The following NDOR1 variants were observed in gnomAD, a reference collection of about 807,000 sequenced individuals.
NDOR1 encodes the protein NADPH-dependent diflavin oxidoreductase 1.
A neutral mutation model predicts 67.2 loss-of-function variants in NDOR1; 61 were observed. That is an observed-to-expected ratio of 0.91 (90% CI 0.74 to 1.12). The LOEUF is 1.12. NDOR1 is among the 50% of genes most tolerant of loss of function. NDOR1 has a pLI of 0.00. For missense variants in NDOR1, 878 were observed against 802.8 expected (o/e 1.09, Z -1.13); for synonymous variants, 378 against 343.7 (o/e 1.10, Z -1.10).
chr9:137,218,240 C>T lies in NDOR1; in HGVS notation c.*1824C>T. ...GCTGTGCCGCCAGAAGACGCCCGTG[C>T]TGGAATGGGAGATCTGCCGGCTACA... On this transcript the variant is annotated 3_prime_UTR_variant, in exon 14 of 14. Coordinates refer to ENST00000684003, the MANE Select transcript of NDOR1 (RefSeq NM_014434.4). 2.5e-6 allele frequency: 1 copy of T among 398,406 alleles called. No individual in the cohort carries two copies. The highest frequency in any genetic ancestry group is 4.4e-6 in the Non-Finnish European group (1 of 225,898). The allele number at this position is 398,406 out of a possible 1,614,324, so 24.7% of individuals were successfully genotyped here.
chr9:137,216,671 C>T lies in NDOR1; in HGVS notation c.*255C>T, dbSNP rs1835623833. 1 of 545,290 alleles carries T rather than the reference C, an allele frequency of 1.8e-6. No individual in the cohort carries two copies. The highest frequency in any genetic ancestry group is 1.9e-5 in the African/African-American group (1 of 52,706). The allele number at this position is 545,290 out of a possible 1,614,324, so 33.8% of individuals were successfully genotyped here. A position where few individuals can be genotyped will look rare whatever the true frequency, so the allele number is the denominator to read the frequency against. On this transcript the variant is annotated 3_prime_UTR_variant, in exon 14 of 14. Transcript: ENST00000684003. ...GACAGTGAGCTGTGTCCTCGTCCCC[C>T]CACCCCCTTCCCAGTCAAGGTGGTG...
rs770418728 is a variant in NDOR1 at position 137,215,749 on chromosome 9, C to T, written c.1379C>T (p.Thr460Ile). ...CCTGTGATCATGGTGGGGCCTGGCACTGGGGTAGCCCCCTTCCGAGCAGCC... is the reference window on the plus strand; with the variant it reads ...CCTGTGATCATGGTGGGGCCTGGCATTGGGGTAGCCCCCTTCCGAGCAGCC... Reference protein sequence around the residue: ...DTPVIMVGPGTGVAPFRAAIQ... With the variant: ...DTPVIMVGPGIGVAPFRAAIQ... The change falls in exon 11 of 14, where the codon ACT (threonine) becomes ATT (isoleucine). Residue 460 changes from threonine to isoleucine, a missense_variant. Transcript: ENST00000684003. 6.2e-7 allele frequency: 1 copy of T among 1,603,142 alleles called. No individual in the cohort carries two copies. The highest frequency in any genetic ancestry group is 8.5e-7 in the Non-Finnish European group (1 of 1,173,762).
chr9:137,215,356 A>G, intron 9 of NDOR1, 51 bp from the exon 10 acceptor site: 1 of 1,586,504 alleles, frequency 6.3e-7, no homozygotes, highest in East Asian at 2.2e-5. Flanking sequence ...CGGCCCAGGC[A>G]CAGGTGAGGG....
At position 137,216,330 on chromosome 9, in the gene NDOR1, G is replaced by A; in HGVS notation, c.1708G>A (p.Glu570Lys). Residue 570 changes from glutamate to lysine, a missense_variant, in exon 14 of 14, where the codon GAG (glutamate) becomes AAG (lysine). By Grantham distance (56) the Glu-to-Lys change is moderately conservative (BLOSUM62 1). Coordinates refer to ENST00000684003, the MANE Select transcript of NDOR1 (RefSeq NM_014434.4). ...SEALMSIFQE[E>K]GGLCSPDAAA... The stretch of plus-strand genomic sequence containing the variant: ...AGCCCTGATGTCCATCTTCCAGGAG[G>A]AGGGTGGACTCTGCAGCCCGGACGC... The A allele has an allele frequency of 6.2e-7, 1 of 1,611,468 alleles. No individual in the cohort carries two copies. The highest frequency in any genetic ancestry group is 8.5e-7 in the Non-Finnish European group (1 of 1,179,990).
intron 2 of NDOR1, among the ~76,000 whole-genome samples, chr9:137,209,510 A>G (rs1263742562): frequency 6.6e-6 from 1 of 152,174 alleles, no homozygotes; most frequent in Non-Finnish European, 1.5e-5. Context: ...GCACCCACAG[A>G]GAAGACCAGG....
chr9:137,217,791 G>C lies in NDOR1; in HGVS notation c.*1375G>C. 2.5e-6 allele frequency: 1 copy of C among 395,940 alleles called. No individual in the cohort carries two copies. The highest frequency in any genetic ancestry group is 4.4e-6 in the Non-Finnish European group (1 of 225,008). The allele number at this position is 395,940 out of a possible 1,614,324, so 24.5% of individuals were successfully genotyped here. A position where few individuals can be genotyped will look rare whatever the true frequency, so the allele number is the denominator to read the frequency against. On this transcript the variant is annotated 3_prime_UTR_variant, in exon 14 of 14. Coordinates refer to ENST00000684003, the MANE Select transcript of NDOR1 (RefSeq NM_014434.4). ...TCCTCCTATCCTGACTCCTGCCCCAGGGCCACCACCCCTGAACTGTGCCCT... is the reference window on the plus strand; with the variant it reads ...TCCTCCTATCCTGACTCCTGCCCCACGGCCACCACCCCTGAACTGTGCCCT...
intron 2 of NDOR1, among the ~76,000 whole-genome samples, chr9:137,210,572 G>A (rs1405111097): frequency 6.6e-6 from 1 of 152,154 alleles, no homozygotes; most frequent in Non-Finnish European, 1.5e-5. Flanking sequence ...TGGGCACAGT[G>A]GCTCAAGCCT....
At position 137,205,742 on chromosome 9, in the gene NDOR1, T is replaced by C; in HGVS notation, c.-36T>C. 2 of 1,599,470 alleles carry C rather than the reference T, an allele frequency of 1.3e-6. No homozygotes were observed. Among genetic ancestry groups the C allele is most frequent in the Non-Finnish European group, 1.7e-6 (2 of 1,179,250 alleles). The stretch of plus-strand genomic sequence containing the variant: ...CCGGCCGGCGGGAACTGCCTTCTAG[T>C]TTTTAGTCTCAGACCAGACCACCGG... On this transcript the variant is annotated 5_prime_UTR_variant, in exon 1 of 14. Transcript: ENST00000684003.
At chr9:137,207,928 AG>A (rs1835049367) in intron 2 of NDOR1, among the ~76,000 whole-genome samples, 1 of 151,884 alleles carries the variant, frequency 6.6e-6, no homozygotes, top group South Asian at 2.1e-4. Flanking sequence ...GCGAATCACG[AG>A]GTCAGGAGTT....
At chr9:137,215,382 A>AC (rs1236630590) in intron 9 of NDOR1, 25 bp from the exon 10 acceptor site, 82 of 1,057,934 alleles carry the variant, frequency 7.8e-5, no homozygotes, top group Non-Finnish European at 1.0e-4. Context: ...TTGTTCCACC[A>AC]CCCCCACCCC....
intron 2 of NDOR1, among the ~76,000 whole-genome samples, chr9:137,208,487 C>CAAAA (rs1835091374): frequency 6.6e-6 from 1 of 151,330 alleles, no homozygotes; most frequent in African/African-American, 2.4e-5. Context: ...AACAAACAAA[C>CAAAA]AAAAAACCAC....
rs768699341 is a variant in NDOR1, at chr9:137,216,114, G to A, written c.1575G>A (p.Gln525=). Residue 525 remains glutamine (Q), a synonymous_variant, in exon 13 of 14, where the codon CAG becomes CAA. Transcript: ENST00000684003. ...SREQEQKVYV[Q]HRLRELGSLV... Reference sequence around the variant, plus strand: ...TACAGGAGCAGAAAGTATATGTGCAGCACCGGCTCCGGGAGCTGGGGTCGC... The same window carrying A: ...TACAGGAGCAGAAAGTATATGTGCAACACCGGCTCCGGGAGCTGGGGTCGC... 1.2e-6 allele frequency: 2 copies of A among 1,613,434 alleles called. No individual in the cohort carries two copies. Among genetic ancestry groups the A allele is most frequent in the Non-Finnish European group, 1.7e-6 (2 of 1,180,014 alleles).
Position 137,212,874 on chromosome 9 carries a change from A to C in NDOR1, c.311+275A>C. 2.1e-6 allele frequency: 1 copy of C among 465,644 alleles called. No individual in the cohort carries two copies. Among genetic ancestry groups the C allele is most frequent in the Non-Finnish European group, 3.9e-6 (1 of 254,546 alleles). The allele number at this position is 465,644 out of a possible 1,614,324, so 28.8% of individuals were successfully genotyped here. ...ACCTGGCGCCGGTCCCCACTTTTAC[A>C]AAAAGGCGTGCTGTGAAGTGTTGAC... On this transcript the variant is annotated intron_variant, in intron 3 of 13. Coordinates refer to ENST00000684003, the MANE Select transcript of NDOR1 (RefSeq NM_014434.4). The surrounding 1 kb of genome is among the most constrained non-coding windows in gnomAD (Gnocchi z 4.3).
chr9:137,210,664 G>A (rs575009482), intron 2 of NDOR1, among the ~76,000 whole-genome samples: 230 of 152,140 alleles, frequency 1.5e-3, no homozygotes, highest in African/African-American at 5.3e-3. Context: ...GCAACATGAC[G>A]AAACCCAGTC....
Position 137,216,619 on chromosome 9 carries a change from C to T in NDOR1, c.*203C>T, listed in dbSNP as rs1226710644. ...AGCCTGACCCCACTGCAGCCTCTGC[C>T]CAGCCAGCCCTGCGCTCCCCCACCC... On this transcript the variant is annotated 3_prime_UTR_variant, in exon 14 of 14. Transcript: ENST00000684003. The T allele has an allele frequency of 2.4e-5, 16 of 656,064 alleles. No homozygotes were observed. Among genetic ancestry groups the T allele is most frequent in the Non-Finnish European group, 5.1e-6 (2 of 391,360 alleles). 40.6% of individuals were successfully genotyped at this position (656,064 alleles called of 1,614,324 possible). A position where few individuals can be genotyped will look rare whatever the true frequency, so the allele number is the denominator to read the frequency against.
At chr9:137,206,204 T>G in intron 1 of NDOR1, 28 bp from the exon 2 acceptor site, 1 of 1,613,468 alleles carries the variant, frequency 6.2e-7, no homozygotes, top group Non-Finnish European at 8.5e-7. Context: ...CAGCCGGAGG[T>G]CTTACGTGTG....
rs943638828 is a variant in NDOR1 at position 137,212,292 on chromosome 9, C to T, written c.214-210C>T. On this transcript the variant is annotated intron_variant, in intron 2 of 13. Coordinates refer to ENST00000684003, the MANE Select transcript of NDOR1 (RefSeq NM_014434.4). The surrounding 1 kb of genome is among the most constrained non-coding windows in gnomAD (Gnocchi z 4.3). ...TCCTGTGGGCAGGGTGGGACCTGGT[C>T]TCCCTAGACGCTGGACCAGCCCTGC... is the stretch of plus-strand genomic sequence containing the variant. Among the ~76,000 whole-genome samples the T allele has an allele frequency of 1.3e-5, 2 of 152,098 alleles. No homozygotes were observed. Among genetic ancestry groups the T allele is most frequent in the Admixed American group, 6.5e-5 (1 of 15,288 alleles).
chr9:137,214,012 G>C lies in NDOR1; in HGVS notation c.456G>C (p.Arg152Ser). 2.6e-6 allele frequency: 4 copies of C among 1,551,950 alleles called. No homozygotes were observed. Among genetic ancestry groups the C allele is most frequent in the Non-Finnish European group, 1.7e-6 (2 of 1,150,020 alleles). The part of the protein sequence containing the change: ...VDPWLRDLWD[R>S]VLGLYPPPPG... ...CCTGGCTGCGAGACTTGTGGGACAG[G>C]GTTCTGGGGCTGTACCCGCCGCCTC... Residue 152 changes from arginine to serine, a missense_variant, in exon 5 of 14, where the codon AGG (arginine) becomes AGC (serine). Physicochemically the swap from Arg to Ser is moderately radical, Grantham distance 110. Coordinates refer to ENST00000684003, the MANE Select transcript of NDOR1 (RefSeq NM_014434.4).
In NDOR1 at chr9:137,214,230, T is replaced by C. The variant is rs369989027; in HGVS notation, c.539T>C (p.Phe180Ser). ...CTGCCCTCCAAGTTCACCCTGCTGT[T>C]CCTCCAAGAGGCACCCAGCACGGGC... ...VPLPSKFTLL[F>S]LQEAPSTGSE... The change falls in exon 6 of 14, where the codon TTC (phenylalanine) becomes TCC (serine). Residue 180 changes from phenylalanine to serine, a missense_variant. By Grantham distance (155) the Phe-to-Ser change is radical. Coordinates refer to ENST00000684003, the MANE Select transcript of NDOR1 (RefSeq NM_014434.4). 2 of 1,612,684 alleles carry C rather than the reference T, an allele frequency of 1.2e-6. No individual in the cohort carries two copies. Among genetic ancestry groups the C allele is most frequent in the Non-Finnish European group, 1.7e-6 (2 of 1,179,926 alleles).
Sources: allele counts gnomAD v4.1 joint callset (sites outside exome capture counted in the v4.1 genomes callset), GRCh38; gene constraint gnomAD v4.1.1; non-coding constraint Gnocchi (gnomAD v3.1); transcripts MANE v1.5; gene names NCBI Gene and HGNC (gene_info 2026-07-23, HGNC 2026-07-21).